HDAC8: variants seen among roughly 807,000 people sequenced by gnomAD.
The protein encoded by HDAC8 is histone deacetylase-like 1.
Under a neutral mutation model 32.2 loss-of-function variants are expected in HDAC8, and 1 was observed. That is an observed-to-expected ratio of 0.03 (90% CI 0.01 to 0.15). The LOEUF is 0.15. Ranked by LOEUF, HDAC8 falls within the 10% of genes least tolerant of loss-of-function variation. HDAC8 has a pLI of 1.00. For synonymous variants in HDAC8, 108 were observed against 113.9 expected, an observed-to-expected ratio of 0.95 and a Z score of 0.33; for missense variants, 117 against 300.0, an observed-to-expected ratio of 0.39 and a Z score of 4.51.
At chrX:72,411,428 C>G in intron 9 of HDAC8, among the ~76,000 whole-genome samples, 1 of 112,034 alleles carries the variant, frequency 8.9e-6, no homozygotes, top group Non-Finnish European at 1.9e-5. Flanking sequence ...AGTTGACACC[C>G]TCAGAGGGGG....
intron 4 of HDAC8, among the ~76,000 whole-genome samples, chrX:72,531,437 A>G (rs1298449736): frequency 8.9e-6 from 1 of 112,175 alleles, no homozygotes; most frequent in Non-Finnish European, 1.9e-5. Context: ...AAAGGTGATT[A>G]TTCAGAAAAG....
chrX:72,460,952 C>G (rs1451369583), intron 9 of HDAC8, among the ~76,000 whole-genome samples: 1 of 112,240 alleles, frequency 8.9e-6, no homozygotes, highest in Non-Finnish European at 1.9e-5. Flanking sequence ...AGTGTACCTT[C>G]TATTTGTATT....
chrX:72,413,398 C>T (rs1394804217), intron 9 of HDAC8, among the ~76,000 whole-genome samples: 1 of 108,630 alleles, frequency 9.2e-6, no homozygotes. Context: ...GAATACTATG[C>T]AGCCATAAAA....
At chrX:72,552,285 G>C (rs2051099577) in intron 4 of HDAC8, among the ~76,000 whole-genome samples, 3 of 108,040 alleles carry the variant, frequency 2.8e-5, no homozygotes, top group African/African-American at 1.0e-4. Context: ...AACATAAGGA[G>C]ACCCCATCTC....
At chrX:72,363,879 C>T (rs1253611669) in intron 9 of HDAC8, among the ~76,000 whole-genome samples, 1 of 112,147 alleles carries the variant, frequency 8.9e-6, no homozygotes, top group African/African-American at 3.2e-5. Context: ...CAGCCTTGAA[C>T]TGTTTTTTAG....
intron 7 of HDAC8, among the ~76,000 whole-genome samples, chrX:72,469,178 C>T (rs782101824): frequency 1.3e-4 from 14 of 109,713 alleles, no homozygotes; most frequent in African/African-American, 4.3e-4. Flanking sequence ...CAAAGTACAC[C>T]ATCCTATAAA....
At chrX:72,562,266 A>AAAAGCACACGCATGTT (rs2051592647) in intron 4 of HDAC8, among the ~76,000 whole-genome samples, 2 of 112,651 alleles carry the variant, frequency 1.8e-5, no homozygotes, top group South Asian at 7.4e-4. Flanking sequence ...AAATGCAAAA[A>AAAAGCACACGCATGTT]TATGGAACCA....
chrX:72,421,022 T>C (rs782004276), intron 9 of HDAC8, among the ~76,000 whole-genome samples: 5 of 111,137 alleles, frequency 4.5e-5, no homozygotes, highest in Admixed American at 9.6e-5. Context: ...ATCTTATACC[T>C]ATTTGTGTCC....
At chrX:72,428,421 G>A (rs782251036) in intron 9 of HDAC8, among the ~76,000 whole-genome samples, 28 of 112,113 alleles carry the variant, frequency 2.5e-4, no homozygotes, top group Non-Finnish European at 4.5e-4. Context: ...GCAGGAATAG[G>A]GTTTTTACTT....
intron 4 of HDAC8, among the ~76,000 whole-genome samples, chrX:72,548,680 TTCTC>T (rs376266129): frequency 1.0e-4 from 11 of 105,831 alleles, no homozygotes; most frequent in East Asian, 3.0e-4. Context: ...ACCATTTCTC[TTCTC>T]TCTCTCTCTC....
intron 3 of HDAC8, 150 bp from the exon 4 acceptor site, chrX:72,568,180 A>G (rs1747437232): frequency 2.1e-6 from 1 of 486,848 alleles, no homozygotes; most frequent in East Asian, 3.6e-5. Flanking sequence ...TGTTGGGGAT[A>G]TAATATTTTA....
chrX:72,329,951 A>AT lies in HDAC8; in HGVS notation c.*102dup. The AT allele has an allele frequency of 1.1e-6, 1 of 929,772 alleles. No individual in the cohort carries two copies. Among genetic ancestry groups the AT allele is most frequent in the East Asian group, 3.1e-5 (1 of 32,296 alleles). The allele number at this position is 929,772 out of a possible 1,213,427, so 76.6% of individuals were successfully genotyped here. ...ATTTTCAGGAAGTAATTTCTTTCAA[A>AT]TTTTCCCTGCAGTCACAAATTCCAC... On this transcript the variant is annotated 3_prime_UTR_variant, in exon 11 of 11. Coordinates refer to ENST00000373573, the MANE Select transcript of HDAC8 (RefSeq NM_018486.3).
At chrX:72,393,502 T>C (rs1044852247) in intron 9 of HDAC8, among the ~76,000 whole-genome samples, 1 of 112,196 alleles carries the variant, frequency 8.9e-6, no homozygotes, top group African/African-American at 3.2e-5. Flanking sequence ...CTCAACTCGT[T>C]AAACCGTTTC....
At chrX:72,476,581 A>G (rs1556000713) in intron 7 of HDAC8, among the ~76,000 whole-genome samples, 1 of 111,427 alleles carries the variant, frequency 9.0e-6, no homozygotes. Flanking sequence ...CTGAATTTGG[A>G]GTCAGATAAG....
intron 9 of HDAC8, among the ~76,000 whole-genome samples, chrX:72,436,259 C>T (rs2046948988): frequency 9.0e-6 from 1 of 111,402 alleles, no homozygotes; most frequent in African/African-American, 3.3e-5. Flanking sequence ...AAATCCACTC[C>T]AATAAAAATA....
intron 9 of HDAC8, among the ~76,000 whole-genome samples, chrX:72,357,078 T>C (rs1245242507): frequency 3.6e-5 from 4 of 110,302 alleles, no homozygotes; most frequent in Non-Finnish European, 7.6e-5. Flanking sequence ...AATAGAATGA[T>C]AGAAAAACTT....
chrX:72,356,967 G>A (rs958104684), intron 9 of HDAC8, among the ~76,000 whole-genome samples: 3 of 110,764 alleles, frequency 2.7e-5, no homozygotes, highest in Non-Finnish European at 5.7e-5. Context: ...AGAAGGTATC[G>A]GAATTTGAGG....
chrX:72,534,257 A>C (rs1312717870), intron 4 of HDAC8, among the ~76,000 whole-genome samples: 1 of 107,632 alleles, frequency 9.3e-6, no homozygotes, highest in Non-Finnish European at 1.9e-5. Flanking sequence ...AATCCTACTT[A>C]TAATAGCATC....
intron 9 of HDAC8, among the ~76,000 whole-genome samples, chrX:72,428,096 T>C (rs1555976176): frequency 8.9e-6 from 1 of 111,992 alleles, no homozygotes; most frequent in African/African-American, 3.2e-5. Flanking sequence ...AGATTATGAA[T>C]CCTTCTTTTT....
Sources: allele counts gnomAD v4.1 joint callset (sites outside exome capture counted in the v4.1 genomes callset), GRCh38; gene constraint gnomAD v4.1.1; transcripts MANE v1.5; gene names NCBI Gene and HGNC (gene_info 2026-07-23, HGNC 2026-07-21).